RIMS2: variants seen among roughly 807,000 people sequenced by gnomAD.
RIMS2 encodes the protein regulating synaptic membrane exocytosis protein 2.
In RIMS2, 59 loss-of-function variants were observed where a neutral mutation model predicts 174.4. That is an observed-to-expected ratio of 0.34 (90% CI 0.27 to 0.42). RIMS2 has a LOEUF of 0.42. Among genes scored for constraint, RIMS2 ranks in the 10% least tolerant of loss-of-function variants. The pLI, the probability that RIMS2 is intolerant of heterozygous loss-of-function variation, is 1.00. For missense variants in RIMS2, 1,620 were observed against 1,666.3 expected (o/e 0.97, Z 0.48); for synonymous variants, 606 against 572.5 (o/e 1.06, Z -0.84).
At chr8:103,751,105 C>T (rs888858215) in intron 2 of RIMS2, among the ~76,000 whole-genome samples, 1 of 152,118 alleles carries the variant, frequency 6.6e-6, no homozygotes, top group African/African-American at 2.4e-5. Context: ...TGTGAGGCCT[C>T]CCCAGCCACA....
intron 1 of RIMS2, among the ~76,000 whole-genome samples, chr8:103,675,885 A>G (rs1014056125): frequency 3.9e-5 from 6 of 152,266 alleles, no homozygotes; most frequent in African/African-American, 7.2e-5. Context: ...TATTTACTCT[A>G]TCAGTCTTAC....
At chr8:103,899,893 T>C (rs1594800545) in intron 4 of RIMS2, among the ~76,000 whole-genome samples, 1 of 151,798 alleles carries the variant, frequency 6.6e-6, no homozygotes, top group East Asian at 1.9e-4. Flanking sequence ...AATTAATTTT[T>C]GTATAAGGTG....
At chr8:103,547,666 G>A (rs1055291950) in intron 1 of RIMS2, among the ~76,000 whole-genome samples, 3 of 152,096 alleles carry the variant, frequency 2.0e-5, no homozygotes, top group Non-Finnish European at 2.9e-5. Context: ...AATCAGTGCT[G>A]AAGTGAAGGA....
chr8:103,842,964 G>A (rs2098948928), intron 3 of RIMS2, among the ~76,000 whole-genome samples: 1 of 152,064 alleles, frequency 6.6e-6, no homozygotes, highest in Non-Finnish European at 1.5e-5. Flanking sequence ...TTTCCTCTTT[G>A]TACACAATCC....
chr8:103,657,892 A>G (rs1339183466), intron 1 of RIMS2, among the ~76,000 whole-genome samples: 1 of 152,204 alleles, frequency 6.6e-6, no homozygotes, highest in Non-Finnish European at 1.5e-5. Flanking sequence ...CTGGAAACTC[A>G]GAGTATGTGA....
At chr8:104,215,851 G>A (rs1348120956) in intron 19 of RIMS2, among the ~76,000 whole-genome samples, 1 of 152,190 alleles carries the variant, frequency 6.6e-6, no homozygotes, top group Non-Finnish European at 1.5e-5. Context: ...AAGCCCTCAT[G>A]AGAAGCCCAA....
chr8:103,863,585 T>C (rs953894139), intron 3 of RIMS2, among the ~76,000 whole-genome samples: 1 of 149,742 alleles, frequency 6.7e-6, no homozygotes, highest in African/African-American at 2.4e-5. Context: ...GCTTTTTTTA[T>C]TGTTGGAAGT....
intron 1 of RIMS2, among the ~76,000 whole-genome samples, chr8:103,581,595 A>T (rs531652162): frequency 6.6e-6 from 1 of 152,336 alleles, no homozygotes; most frequent in South Asian, 2.1e-4. Flanking sequence ...CACCACTTTT[A>T]ATCAATATAA....
intron 19 of RIMS2, among the ~76,000 whole-genome samples, chr8:104,115,921 A>G (rs564371361): frequency 6.6e-6 from 1 of 152,304 alleles, no homozygotes; most frequent in Non-Finnish European, 1.5e-5. Flanking sequence ...TTTTGGCCAA[A>G]GAGAGTATAT....
At chr8:104,204,644 CA>C (rs572806896) in intron 19 of RIMS2, among the ~76,000 whole-genome samples, 3 of 151,002 alleles carry the variant, frequency 2.0e-5, no homozygotes, top group South Asian at 2.1e-4. Flanking sequence ...AAAACAAAAA[CA>C]AAAAAAAATT....
At chr8:103,598,496 A>C (rs1312671992) in intron 1 of RIMS2, among the ~76,000 whole-genome samples, 6 of 152,198 alleles carry the variant, frequency 3.9e-5, no homozygotes, top group Non-Finnish European at 5.9e-5. Context: ...TTTGTCAGGA[A>C]AATATGCACT....
intron 19 of RIMS2, among the ~76,000 whole-genome samples, chr8:104,088,492 TGGTATTCAG>T (rs1470104549): frequency 4.6e-5 from 7 of 152,084 alleles, no homozygotes; most frequent in African/African-American, 1.4e-4. Context: ...TCCTTGAATG[TGGTATTCAG>T]GTATCCATGT....
At chr8:104,239,564 T>C (rs1162570240) in intron 19 of RIMS2, among the ~76,000 whole-genome samples, 2 of 152,176 alleles carry the variant, frequency 1.3e-5, no homozygotes, top group Non-Finnish European at 2.9e-5. Context: ...TGTGTATGTT[T>C]ATATGTATGT....
intron 3 of RIMS2, among the ~76,000 whole-genome samples, chr8:103,835,559 A>C (rs963877866): frequency 1.3e-5 from 2 of 152,156 alleles, no homozygotes; most frequent in African/African-American, 4.8e-5. Context: ...AAATAGTTGT[A>C]TGTTCATACT....
intron 1 of RIMS2, among the ~76,000 whole-genome samples, chr8:103,566,912 C>A (rs905498765): frequency 5.3e-5 from 8 of 152,134 alleles, no homozygotes; most frequent in Non-Finnish European, 7.4e-5. Context: ...AGCGGTGCAA[C>A]TATAACCATA....
chr8:103,979,888 T>A (rs1241432661), intron 16 of RIMS2, among the ~76,000 whole-genome samples: 1 of 152,080 alleles, frequency 6.6e-6, no homozygotes, highest in East Asian at 1.9e-4. Flanking sequence ...GAGGGAGCAT[T>A]TGGACCAGAT....
At chr8:103,651,569 G>T (rs896286039) in intron 1 of RIMS2, among the ~76,000 whole-genome samples, 1 of 152,086 alleles carries the variant, frequency 6.6e-6, no homozygotes, top group African/African-American at 2.4e-5. Context: ...GCACTGACTT[G>T]ATTATTATAG....
At chr8:103,970,347 C>G (rs1022790721) in intron 15 of RIMS2, among the ~76,000 whole-genome samples, 1 of 152,134 alleles carries the variant, frequency 6.6e-6, no homozygotes, top group Non-Finnish European at 1.5e-5. Flanking sequence ...TTTCCCTTCT[C>G]CCAGATTGGT....
chr8:104,212,853 A>T (rs1587536157), intron 19 of RIMS2, among the ~76,000 whole-genome samples: 1 of 152,204 alleles, frequency 6.6e-6, no homozygotes, highest in East Asian at 1.9e-4. Flanking sequence ...CTACACAGAC[A>T]CATTGAGAAC....
Sources: allele counts gnomAD v4.1 joint callset (sites outside exome capture counted in the v4.1 genomes callset), GRCh38; gene constraint gnomAD v4.1.1; transcripts MANE v1.5; gene names NCBI Gene and HGNC (gene_info 2026-07-23, HGNC 2026-07-21).